Variants in SPG11 observed in about 807,000 individuals in gnomAD.
The protein encoded by SPG11 is SPG11 vesicle trafficking associated, spatacsin.
A neutral mutation model predicts 274.0 loss-of-function variants in SPG11; 222 were observed. That is an observed-to-expected ratio of 0.81 (90% CI 0.73 to 0.91). The LOEUF is 0.91. Ranked by LOEUF, SPG11 falls within the 40% of genes least tolerant of loss-of-function variation. The pLI is 0.00. For missense variants in SPG11, 3,114 were observed against 2,872.7 expected, an observed-to-expected ratio of 1.08 and a Z score of -1.92; for synonymous variants, 1,144 against 1,039.7, an observed-to-expected ratio of 1.10 and a Z score of -1.93.
chr15:44,629,925 G>T (rs1443479451), intron 8 of SPG11, among the ~76,000 whole-genome samples: 2 of 152,194 alleles, frequency 1.3e-5, no homozygotes, highest in African/African-American at 2.4e-5. Flanking sequence ...ACAAAAATTA[G>T]CCAGGCGTGC....
intron 20 of SPG11, 76 bp from the exon 21 acceptor site, chr15:44,600,708 T>C (rs1404202572): frequency 1.4e-6 from 2 of 1,469,220 alleles, no homozygotes; most frequent in Non-Finnish European, 9.5e-7. Context: ...TGGAACTCTC[T>C]AATGATAAAA....
chr15:44,573,715 C>G lies in SPG11; in HGVS notation c.6037G>C (p.Ala2013Pro). 2 of 1,614,180 alleles carry G rather than the reference C, an allele frequency of 1.2e-6. No individual in the cohort carries two copies. The highest frequency in any genetic ancestry group is 2.2e-5 in the East Asian group (1 of 44,886). The change falls in exon 32 of 40, where the codon GCT becomes CCT. Residue 2013 changes from alanine (A) to proline (P), a missense_variant. Ala to Pro is a conservative substitution (Grantham distance 27). Transcript: ENST00000261866. Reference sequence around the variant, plus strand: ...CGGAGCATGGCTTCACCATCCTGAGCAGCAACATCTGTGTAGGAACAGCCC... The same window carrying G: ...CGGAGCATGGCTTCACCATCCTGAGGAGCAACATCTGTGTAGGAACAGCCC... ...ELGCSYTDVA[A>P]QDGEAMLRKI...
chr15:44,598,919 CAGAG>C (rs1476632343), intron 21 of SPG11, 83 bp from the exon 22 acceptor site: 3 of 1,350,734 alleles, frequency 2.2e-6, no homozygotes, highest in Non-Finnish European at 3.1e-6. Context: ...AAATCAGTGA[CAGAG>C]GGAGTGCCAG....
At chr15:44,590,718 G>A (rs2082880658) in intron 27 of SPG11, 1 of 152,086 alleles carries the variant, frequency 6.6e-6, no homozygotes, top group South Asian at 2.1e-4. Context: ...AAAAATACTG[G>A]GCGTTTTGGT....
At chr15:44,583,563 G>A (rs1242506912) in intron 30 of SPG11, among the ~76,000 whole-genome samples, 1 of 152,242 alleles carries the variant, frequency 6.6e-6, no homozygotes, top group Non-Finnish European at 1.5e-5. Flanking sequence ...TATAGAATAT[G>A]TAGAATAAAT....
Position 44,562,893 on chromosome 15 carries a change from G to GT in SPG11, c.*227dup, listed in dbSNP as rs1341215169. On this transcript the variant is annotated 3_prime_UTR_variant, in exon 40 of 40. Coordinates refer to ENST00000261866, the MANE Select transcript of SPG11 (RefSeq NM_025137.4). Reference sequence around the variant, plus strand: ...GAGGAAGCTTTTGATCTTAATACTAGTATCTATATAAAATGGTGTGGATGA... The same window carrying GT: ...GAGGAAGCTTTTGATCTTAATACTAGTTATCTATATAAAATGGTGTGGATGA... The GT allele has an allele frequency of 2.7e-5, 14 of 526,130 alleles. No homozygotes were observed. The highest frequency in any genetic ancestry group is 4.8e-5 in the Non-Finnish European group (14 of 293,700). The allele number at this position is 526,130 out of a possible 1,614,324, so 32.6% of individuals were successfully genotyped here.
intron 7 of SPG11, among the ~76,000 whole-genome samples, chr15:44,646,554 C>T (rs1365861359): frequency 6.6e-6 from 1 of 152,100 alleles, no homozygotes; most frequent in African/African-American, 2.4e-5. Flanking sequence ...GATTACAATT[C>T]AAGATGAGAT....
At chr15:44,572,205 A>T (rs1054857042) in intron 33 of SPG11, among the ~76,000 whole-genome samples, 3 of 152,260 alleles carry the variant, frequency 2.0e-5, no homozygotes, top group Non-Finnish European at 4.4e-5. Flanking sequence ...TCATAAAGTA[A>T]AAAAATTATA....
At chr15:44,593,358 G>C (rs2082950927) in intron 26 of SPG11, among the ~76,000 whole-genome samples, 1 of 151,898 alleles carries the variant, frequency 6.6e-6, no homozygotes, top group African/African-American at 2.4e-5. Flanking sequence ...TGCCCAACTA[G>C]TTTTTGTATT....
intron 29 of SPG11, among the ~76,000 whole-genome samples, chr15:44,584,930 T>A (rs989376229): frequency 1.3e-5 from 2 of 152,202 alleles, no homozygotes; most frequent in African/African-American, 4.8e-5. Flanking sequence ...CACCTGGCCT[T>A]ATCATACTTG....
intron 28 of SPG11, among the ~76,000 whole-genome samples, chr15:44,588,279 A>G (rs1443436298): frequency 2.0e-5 from 3 of 151,690 alleles, no homozygotes; most frequent in Non-Finnish European, 4.4e-5. Flanking sequence ...GACTGCCAAC[A>G]TCTTGAGGAA....
intron 30 of SPG11, among the ~76,000 whole-genome samples, chr15:44,582,224 A>G (rs1204416456): frequency 6.6e-6 from 1 of 152,132 alleles, no homozygotes; most frequent in East Asian, 1.9e-4. Flanking sequence ...AACTCATGAA[A>G]CCAACATTAC....
intron 25 of SPG11, 154 bp downstream of exon 25, chr15:44,595,929 C>A: frequency 9.8e-7 from 1 of 1,019,086 alleles, no homozygotes; most frequent in Non-Finnish European, 1.5e-6. Flanking sequence ...AGAGCCTAAG[C>A]TAGAGAAGCA....
Position 44,651,772 on chromosome 15 carries a change from A to G in SPG11, c.1175T>C (p.Met392Thr), listed in dbSNP as rs2084785700. 2.5e-6 allele frequency: 4 copies of G among 1,614,242 alleles called. No individual in the cohort carries two copies. Among genetic ancestry groups the G allele is most frequent in the Non-Finnish European group, 2.5e-6 (3 of 1,180,048 alleles). The change falls in exon 6 of 40, where the codon ATG becomes ACG. Residue 392 changes from methionine to threonine, a missense_variant. Physicochemically the swap from Met to Thr is moderately conservative, Grantham distance 81. Coordinates refer to ENST00000261866, the MANE Select transcript of SPG11 (RefSeq NM_025137.4). ...CTGTAGAACATTATATTGCCCATGC[A>G]TTATGTCCTGTGGAATGAAGGCCCA... Reference protein sequence around the residue: ...QSWAFIPQDIMHGQYNVLQKD... With the variant: ...QSWAFIPQDITHGQYNVLQKD...
intron 33 of SPG11, among the ~76,000 whole-genome samples, chr15:44,572,216 AACTAT>A (rs1169142838): frequency 6.6e-6 from 1 of 152,268 alleles, no homozygotes; most frequent in African/African-American, 2.4e-5. Flanking sequence ...AAAAATTATA[AACTAT>A]ACAGAGTATA....
At chr15:44,583,723 G>C in intron 30 of SPG11, 91 bp downstream of exon 30, 3 of 1,571,198 alleles carry the variant, frequency 1.9e-6, no homozygotes, top group Non-Finnish European at 2.6e-6. Flanking sequence ...TAACTTGGTA[G>C]AACTATTCTG....
At chr15:44,629,449 A>C in intron 8 of SPG11, 61 bp from the exon 9 acceptor site, 1 of 1,459,788 alleles carries the variant, frequency 6.9e-7, no homozygotes, top group Non-Finnish European at 9.5e-7. Flanking sequence ...TAAAATTAAC[A>C]TATCAAAAAT....
Position 44,574,903 on chromosome 15 carries a change from T to C in SPG11, c.6005A>G (p.Lys2002Arg). The change falls in exon 31 of 40, where the codon AAG becomes AGG. Residue 2002 changes from lysine (K) to arginine (R), a missense_variant and splice_region_variant. Transcript: ENST00000261866. Reference protein sequence around the residue: ...RQVLCLYDLAKELGCSYTDVA... With the variant: ...RQVLCLYDLARELGCSYTDVA... ...GGAGCCCCACCCCTTGGCACATACCTTGGCAAGATCATACAGACAGAGGAC... is the reference window on the plus strand; with the variant it reads ...GGAGCCCCACCCCTTGGCACATACCCTGGCAAGATCATACAGACAGAGGAC... The C allele has an allele frequency of 6.2e-7, 1 of 1,613,890 alleles. No individual in the cohort carries two copies. The highest frequency in any genetic ancestry group is 8.5e-7 in the Non-Finnish European group (1 of 1,180,008).
intron 11 of SPG11, among the ~76,000 whole-genome samples, chr15:44,626,031 G>A (rs2141037047): frequency 6.6e-6 from 1 of 152,022 alleles, no homozygotes; most frequent in East Asian, 1.9e-4. Flanking sequence ...GGTACAAGGT[G>A]TAAGCCACCA....
Sources: gnomAD v4.1 joint callset for allele counts (sites outside exome capture counted in the v4.1 genomes callset) on GRCh38, gnomAD v4.1.1 for gene constraint, MANE v1.5 for transcripts, NCBI Gene and HGNC (gene_info 2026-07-23, HGNC 2026-07-21) for gene names.